Variants in NHSL2 observed in about 807,000 individuals in gnomAD.
NHSL2 encodes the protein NHS like 2, also known as NHS-like protein 2.
NHSL2 carries 27 observed loss-of-function variants against 53.4 expected under a neutral mutation model. That is an observed-to-expected ratio of 0.51 (90% CI 0.37 to 0.70). The LOEUF (loss-of-function observed/expected upper bound fraction) is 0.70, where lower values mean the gene tolerates loss of function less well. Among genes scored for constraint, NHSL2 ranks in the 30% least tolerant of loss-of-function variants. The pLI, the probability that NHSL2 is intolerant of heterozygous loss-of-function variation, is 0.00. For synonymous variants in NHSL2, 408 were observed against 404.1 expected (o/e 1.01, Z -0.12); for missense variants, 892 against 980.1 (o/e 0.91, Z 1.20).
At chrX:71,918,944 A>G (rs1325682024) in intron 1 of NHSL2, among the ~76,000 whole-genome samples, 1 of 112,167 alleles carries the variant, frequency 8.9e-6, no homozygotes, top group Non-Finnish European at 1.9e-5. Context: ...TGCACAAAAT[A>G]ATGCTGAGTA....
intron 1 of NHSL2, among the ~76,000 whole-genome samples, chrX:72,006,711 T>A (rs948539996): frequency 2.7e-5 from 3 of 112,436 alleles, no homozygotes; most frequent in African/African-American, 9.7e-5. Context: ...CCACCATGCC[T>A]GGCTAATTAA....
intron 1 of NHSL2, among the ~76,000 whole-genome samples, chrX:72,091,971 C>T (rs990931168): frequency 1.8e-5 from 2 of 111,319 alleles, no homozygotes; most frequent in Non-Finnish European, 3.8e-5. Flanking sequence ...TCACTGTCAC[C>T]ACATGCATGC....
rs926380982 is a variant in NHSL2, at chrX:72,132,185, A to C, written c.387A>C (p.Val129=). The C allele has an allele frequency of 5.1e-6, 6 of 1,166,086 alleles. No individual in the cohort carries two copies. Among genetic ancestry groups the C allele is most frequent in the Non-Finnish European group, 6.9e-6 (6 of 872,034 alleles). The part of the protein sequence containing the change: ...VFLSSGRPPS[V]EELLREAQLN... ...TCTCCTCGGGCAGGCCCCCGAGTGT[A>C]GAGGAGCTGCTTCGGGAGGCGCAGC... The change falls in exon 2 of 8, where the codon GTA becomes GTC. Residue 129 remains valine, a synonymous_variant. Transcript: ENST00000633930.
chrX:72,148,178 A>G lies in NHSL2; in HGVS notation c.*4604A>G, dbSNP rs920264130. 5 of 112,247 alleles carry G rather than the reference A, an allele frequency of 4.5e-5. No individual in the cohort carries two copies. The highest frequency in any genetic ancestry group is 9.4e-5 in the Non-Finnish European group (5 of 53,284). The allele number at this position is 112,247 out of a possible 1,213,427, so 9.3% of individuals were successfully genotyped here. On this transcript the variant is annotated 3_prime_UTR_variant, in exon 8 of 8. Transcript: ENST00000633930. ...ACATTTTTACATAAATGGAATTAAT[A>G]CTACTTACCATTTGAGTAAAGAACA...
Position 71,911,039 on chromosome X carries a change from G to C in NHSL2, c.-49G>C. The C allele has an allele frequency of 1.0e-6, 1 of 954,251 alleles. No individual in the cohort carries two copies. Among genetic ancestry groups the C allele is most frequent in the East Asian group, 4.3e-5 (1 of 23,245 alleles). 78.6% of individuals were successfully genotyped at this position (954,251 alleles called of 1,213,427 possible). ...GGGCCAGGGGCGCTGCTCGGGGTGA[G>C]CCCGCCGCGCCGCCAGACTGGTCCC... On this transcript the variant is annotated 5_prime_UTR_variant, in exon 1 of 8. Transcript: ENST00000633930.
chrX:72,124,770 A>T (rs941493524), intron 1 of NHSL2, among the ~76,000 whole-genome samples: 2 of 111,776 alleles, frequency 1.8e-5, no homozygotes, highest in African/African-American at 6.5e-5. Context: ...GAACGTGGGG[A>T]AGTCACAGCT....
At chrX:72,126,111 G>A (rs2042223135) in intron 1 of NHSL2, among the ~76,000 whole-genome samples, 1 of 111,938 alleles carries the variant, frequency 8.9e-6, no homozygotes, top group East Asian at 2.8e-4. Flanking sequence ...AAATGATGTT[G>A]GCGAAAGTCC....
At chrX:72,138,371 C>T in intron 5 of NHSL2, 70 bp from the exon 6 acceptor site, 1 of 911,173 alleles carries the variant, frequency 1.1e-6, no homozygotes, top group African/African-American at 2.0e-5. Flanking sequence ...AAAGTTGGTG[C>T]TCCTGTCTCA....
intron 1 of NHSL2, among the ~76,000 whole-genome samples, chrX:71,923,847 T>C (rs2041671777): frequency 8.9e-6 from 1 of 112,341 alleles, no homozygotes; most frequent in Non-Finnish European, 1.9e-5. Flanking sequence ...TTCTGGGTTC[T>C]AGATGGGAAA....
chrX:72,086,542 G>A (rs1348394055), intron 1 of NHSL2, among the ~76,000 whole-genome samples: 7 of 110,333 alleles, frequency 6.3e-5, no homozygotes, highest in Non-Finnish European at 1.3e-4. Flanking sequence ...AAATTAGCTG[G>A]GTGTGGTGGC....
chrX:71,911,854 G>A (rs1386148221), intron 1 of NHSL2, among the ~76,000 whole-genome samples: 3 of 112,811 alleles, frequency 2.7e-5, no homozygotes, highest in African/African-American at 9.7e-5. Flanking sequence ...AGGAGCCGGC[G>A]GTGGTGCCTA....
intron 1 of NHSL2, among the ~76,000 whole-genome samples, chrX:71,972,681 T>C (rs910635234): frequency 8.9e-6 from 1 of 112,204 alleles, no homozygotes; most frequent in Non-Finnish European, 1.9e-5. Flanking sequence ...TTGAGTTGTT[T>C]GAAGCCAGTA....
intron 1 of NHSL2, among the ~76,000 whole-genome samples, chrX:72,093,778 C>CTTTCTTTCTTTCT: frequency 1.0e-5 from 1 of 98,777 alleles, no homozygotes; most frequent in African/African-American, 3.7e-5. Flanking sequence ...TTCTTTCTTT[C>CTTTCTTTCTTTCT]TTTTCCTTTC....
At chrX:72,005,618 C>T (rs2042091140) in intron 1 of NHSL2, among the ~76,000 whole-genome samples, 1 of 111,656 alleles carries the variant, frequency 9.0e-6, no homozygotes. Flanking sequence ...GACAATGGGG[C>T]GTGAAGCAAG....
chrX:72,074,439 G>A (rs749635498), intron 1 of NHSL2, among the ~76,000 whole-genome samples: 1 of 112,221 alleles, frequency 8.9e-6, no homozygotes, highest in South Asian at 3.7e-4. Context: ...CCATTGGAAG[G>A]TATGGAAGAA....
intron 1 of NHSL2, chrX:72,080,148 C>T (rs762028721): frequency 2.7e-5 from 3 of 112,165 alleles, no homozygotes; most frequent in Non-Finnish European, 3.8e-5. Flanking sequence ...GTGTGGAGCC[C>T]GTCGGCTCCC....
Position 72,069,631 on chromosome X carries a change from AGAG to A in NHSL2, c.281-62434_281-62432del, listed in dbSNP as rs199850123. 5.9e-3 allele frequency: 5,179 copies of A among 874,472 alleles called. 28 individuals are homozygous for A. The highest frequency in any genetic ancestry group is 0.033 in the Middle Eastern group (70 of 2,111). The allele number at this position is 874,472 out of a possible 1,213,427, so 72.1% of individuals were successfully genotyped here. ...AGGAGTAGGAGGAGGAGGAGGAGAAAGAGGAGGAGGAGGAGGTGGCAGCGGCCG... is the reference window on the plus strand; with the variant it reads ...AGGAGTAGGAGGAGGAGGAGGAGAAAGAGGAGGAGGAGGTGGCAGCGGCCG... On this transcript the variant is annotated intron_variant, in intron 1 of 7. Transcript: ENST00000633930.
At chrX:72,002,215 C>T (rs1170209649) in intron 1 of NHSL2, among the ~76,000 whole-genome samples, 3 of 111,773 alleles carry the variant, frequency 2.7e-5, no homozygotes, top group Middle Eastern at 4.6e-3. Flanking sequence ...CCCACTACTC[C>T]GTATTGTCTC....
At chrX:72,107,125 A>C (rs1274830045) in intron 1 of NHSL2, among the ~76,000 whole-genome samples, 2 of 110,637 alleles carry the variant, frequency 1.8e-5, no homozygotes. Context: ...AAAATAAATA[A>C]ATAAAATTTT....
Sources: allele counts gnomAD v4.1 joint callset (sites outside exome capture counted in the v4.1 genomes callset), GRCh38; gene constraint gnomAD v4.1.1; transcripts MANE v1.5; gene names NCBI Gene and HGNC (gene_info 2026-07-23, HGNC 2026-07-21).